RBFOX3: variants seen among roughly 807,000 people sequenced by gnomAD.
RBFOX3 encodes the protein RNA binding protein fox-1 homolog 3.
In RBFOX3, 17 loss-of-function variants were observed where a neutral mutation model predicts 48.7. The ratio of observed to expected loss-of-function variants is 0.35; its 90% confidence interval spans 0.24 to 0.52. RBFOX3 has a LOEUF of 0.52. Among genes scored for constraint, RBFOX3 ranks in the 20% least tolerant of loss-of-function variants. RBFOX3 has a pLI of 0.94. For missense variants in RBFOX3, 382 were observed against 497.5 expected (o/e 0.77, Z 2.21); for synonymous variants, 212 against 209.5 (o/e 1.01, Z -0.10).
the RBFOX3 span, among the ~76,000 whole-genome samples, chr17:79,644,776 T>C: frequency 6.6e-6 from 1 of 152,190 alleles, no homozygotes; most frequent in East Asian, 1.9e-4. Flanking sequence ...AATGAAGACA[T>C]ATATCATGAT....
intron 9 of RBFOX3, 104 bp from the exon 10 acceptor site, chr17:79,097,849 A>G: frequency 8.0e-7 from 1 of 1,250,680 alleles, no homozygotes; most frequent in Non-Finnish European, 1.1e-6. Flanking sequence ...CCTTGGGAAC[A>G]TTCCCAGGGC....
At chr17:79,664,505 C>T in the RBFOX3 span, among the ~76,000 whole-genome samples, 2 of 152,154 alleles carry the variant, frequency 1.3e-5, no homozygotes, top group Non-Finnish European at 2.9e-5. Flanking sequence ...CACCACCTCA[C>T]CTGGCTAATT....
chr17:79,181,865 C>T (rs752964146), intron 4 of RBFOX3, among the ~76,000 whole-genome samples: 3 of 152,084 alleles, frequency 2.0e-5, no homozygotes, highest in Non-Finnish European at 4.4e-5. Context: ...CACCTTAAAC[C>T]ACCTTCTATA....
At chr17:79,281,379 A>G (rs1436514697) in intron 3 of RBFOX3, among the ~76,000 whole-genome samples, 2 of 151,460 alleles carry the variant, frequency 1.3e-5, no homozygotes, top group Non-Finnish European at 2.9e-5. Flanking sequence ...CTTAGAGAAG[A>G]CTATCCAGGT....
rs969410215 is a variant in RBFOX3 at position 79,362,982 on chromosome 17, G to C, written c.-174-55158C>G. ...CAGGACCCCTCTAGGGTTGGAGCGGGGTAAGCCCCAGAATATCTCACAAGC... is the reference window on the plus strand; with the variant it reads ...CAGGACCCCTCTAGGGTTGGAGCGGCGTAAGCCCCAGAATATCTCACAAGC... On this transcript the variant is annotated intron_variant, in intron 2 of 14. Transcript: ENST00000693108. The surrounding 1 kb of genome is among the most constrained non-coding windows in gnomAD (Gnocchi z 4.2). 1.3e-5 allele frequency among the ~76,000 whole-genome samples: 2 copies of C among 152,182 alleles called. No homozygotes were observed. The highest frequency in any genetic ancestry group is 4.8e-5 in the African/African-American group (2 of 41,428).
chr17:79,422,606 G>A (rs1555723208), intron 2 of RBFOX3, among the ~76,000 whole-genome samples: 1 of 152,220 alleles, frequency 6.6e-6, no homozygotes, highest in African/African-American at 2.4e-5. Flanking sequence ...GCCTCAGGCT[G>A]GGCGGGGCCA....
chr17:79,255,466 C>A (rs1240237015), intron 3 of RBFOX3, among the ~76,000 whole-genome samples: 1 of 152,128 alleles, frequency 6.6e-6, no homozygotes, highest in Non-Finnish European at 1.5e-5. Context: ...CCTGGCCCCC[C>A]ATCTGTGCTC....
At chr17:79,122,676 C>T (rs554016098) in intron 4 of RBFOX3, among the ~76,000 whole-genome samples, 7 of 150,752 alleles carry the variant, frequency 4.6e-5, no homozygotes, top group Admixed American at 1.3e-4. Flanking sequence ...AAACAGCTGC[C>T]GTAGGATCCA....
At chr17:79,354,665 C>G (rs1270393363) in intron 2 of RBFOX3, among the ~76,000 whole-genome samples, 2 of 152,266 alleles carry the variant, frequency 1.3e-5, no homozygotes, top group Non-Finnish European at 2.9e-5. Flanking sequence ...CAGGTTCCTG[C>G]TGCCTCTGGT....
chr17:79,435,319 G>A (rs1411643897), intron 2 of RBFOX3, among the ~76,000 whole-genome samples: 1 of 152,184 alleles, frequency 6.6e-6, no homozygotes, highest in Non-Finnish European at 1.5e-5. Flanking sequence ...ATGGAATAAA[G>A]GTACCTGCTT....
chr17:79,578,237 A>G (rs1208458066), intron 1 of RBFOX3, among the ~76,000 whole-genome samples: 2 of 152,262 alleles, frequency 1.3e-5, no homozygotes, highest in Non-Finnish European at 2.9e-5. Flanking sequence ...GGAAATCAGG[A>G]GCTTTGCAAC....
chr17:79,367,531 C>A (rs1399322647), intron 2 of RBFOX3, among the ~76,000 whole-genome samples: 3 of 152,090 alleles, frequency 2.0e-5, no homozygotes, highest in Non-Finnish European at 4.4e-5. Flanking sequence ...TCAGGAGAGA[C>A]CGAGACAAGA....
At chr17:79,297,884 C>A (rs146659610) in intron 3 of RBFOX3, among the ~76,000 whole-genome samples, 168 of 152,264 alleles carry the variant, frequency 1.1e-3, no homozygotes, top group African/African-American at 3.9e-3. Context: ...TGACTATACC[C>A]AAATGGTCAA....
At chr17:79,213,396 G>A (rs771043829) in intron 4 of RBFOX3, among the ~76,000 whole-genome samples, 6 of 152,150 alleles carry the variant, frequency 3.9e-5, no homozygotes, top group South Asian at 2.1e-4. Flanking sequence ...CAGGCCTCGC[G>A]TCAAGTCCCC....
intron 2 of RBFOX3, among the ~76,000 whole-genome samples, chr17:79,450,310 G>T (rs1205098691): frequency 6.6e-6 from 1 of 152,140 alleles, no homozygotes; most frequent in Non-Finnish European, 1.5e-5. Flanking sequence ...GTGAATGAAG[G>T]CCTGGACTTG....
At chr17:79,100,058 G>C (rs916193356) in intron 9 of RBFOX3, 1 of 152,284 alleles carries the variant, frequency 6.6e-6, no homozygotes, top group African/African-American at 2.4e-5. Flanking sequence ...GGTGGGCAAA[G>C]GTTCCCACCT....
Position 79,364,265 on chromosome 17 carries a change from G to A in RBFOX3, c.-174-56441C>T, listed in dbSNP as rs185291069. ...AGAGATGGTAGCCATCAGTTGACAGGATCACCAAATCCCAAATCTCCATTT... is the reference window on the plus strand; with the variant it reads ...AGAGATGGTAGCCATCAGTTGACAGAATCACCAAATCCCAAATCTCCATTT... On this transcript the variant is annotated intron_variant, in intron 2 of 14. Coordinates refer to ENST00000693108, the MANE Select transcript of RBFOX3 (RefSeq NM_001350451.2). The surrounding 1 kb of genome is among the most constrained non-coding windows in gnomAD (Gnocchi z 5.1). Among the ~76,000 whole-genome samples the A allele has an allele frequency of 1.3e-5, 2 of 152,242 alleles. No individual in the cohort carries two copies. The highest frequency in any genetic ancestry group is 2.9e-5 in the Non-Finnish European group (2 of 68,046).
intron 3 of RBFOX3, among the ~76,000 whole-genome samples, chr17:79,265,639 A>C (rs1025406859): frequency 6.6e-6 from 1 of 152,190 alleles, no homozygotes; most frequent in African/African-American, 2.4e-5. Context: ...GGCTGATGTT[A>C]GCGACTTTCC....
intron 4 of RBFOX3, among the ~76,000 whole-genome samples, chr17:79,146,898 G>C (rs1456791392): frequency 1.3e-5 from 2 of 152,240 alleles, no homozygotes; most frequent in Non-Finnish European, 2.9e-5. Context: ...CCCCTGGGCA[G>C]GGTGTCTGGC....
Sources: gnomAD v4.1 joint callset for allele counts (sites outside exome capture counted in the v4.1 genomes callset) on GRCh38, gnomAD v4.1.1 for gene constraint, Gnocchi (gnomAD v3.1) non-coding constraint, MANE v1.5 for transcripts, NCBI Gene and HGNC (gene_info 2026-07-23, HGNC 2026-07-21) for gene names.